EXOC2: variants seen among roughly 807,000 people sequenced by gnomAD.
EXOC2 encodes the protein exocyst complex component 2, also known as SEC5-like 1.
EXOC2 carries 70 observed loss-of-function variants against 131.8 expected under a neutral mutation model. That is an observed-to-expected ratio of 0.53 (90% confidence interval 0.44 to 0.65). The LOEUF (loss-of-function observed/expected upper bound fraction) is 0.65. Ranked by LOEUF, EXOC2 falls within the 30% of genes least tolerant of loss-of-function variation. The pLI is 0.00. For missense variants in EXOC2, 923 were observed against 1,108.6 expected, an observed-to-expected ratio of 0.83 and a Z score of 2.38; for synonymous variants, 411 against 398.4, an observed-to-expected ratio of 1.03 and a Z score of -0.38.
chr6:605,628 G>A (rs1419140169), intron 7 of EXOC2, among the ~76,000 whole-genome samples: 1 of 152,034 alleles, frequency 6.6e-6, no homozygotes, highest in African/African-American at 2.4e-5. Flanking sequence ...GGTTTATCAA[G>A]TTTGCTGATC....
At chr6:600,233 A>T (rs1760056484) in intron 7 of EXOC2, among the ~76,000 whole-genome samples, 1 of 152,204 alleles carries the variant, frequency 6.6e-6, no homozygotes, top group African/African-American at 2.4e-5. Flanking sequence ...TTGAAATTTT[A>T]AAGGCCTCAT....
chr6:667,547 A>C (rs1763672696), intron 1 of EXOC2, among the ~76,000 whole-genome samples: 1 of 97,292 alleles, frequency 1.0e-5, no homozygotes, highest in African/African-American at 3.1e-5. Context: ...TTGATCAAAG[A>C]AAAAGGCAGA....
intron 1 of EXOC2, among the ~76,000 whole-genome samples, chr6:685,401 G>A (rs1764599498): frequency 6.6e-6 from 1 of 152,190 alleles, no homozygotes; most frequent in African/African-American, 2.4e-5. Context: ...TCTAGAGTCA[G>A]GCCCAACCTA....
At chr6:499,877 A>T (rs1456230978) in intron 23 of EXOC2, among the ~76,000 whole-genome samples, 177 bp from the exon 24 acceptor site, 3 of 152,194 alleles carry the variant, frequency 2.0e-5, no homozygotes, top group Admixed American at 1.3e-4. Flanking sequence ...CAGGTCAAAA[A>T]GAAAAAAAAA....
chr6:586,300 G>A (rs1759203493), intron 11 of EXOC2, among the ~76,000 whole-genome samples: 1 of 152,152 alleles, frequency 6.6e-6, no homozygotes, highest in Admixed American at 6.5e-5. Flanking sequence ...CAATGTATGT[G>A]CCATGAGTTC....
At chr6:688,257 A>G (rs1764757561) in intron 1 of EXOC2, among the ~76,000 whole-genome samples, 1 of 152,218 alleles carries the variant, frequency 6.6e-6, no homozygotes, top group East Asian at 1.9e-4. Context: ...GGTACTGATG[A>G]GGAAAATTCT....
chr6:610,247 AT>A, intron 6 of EXOC2, 69 bp from the exon 7 acceptor site: 1 of 1,290,168 alleles, frequency 7.8e-7, no homozygotes, highest in Non-Finnish European at 1.1e-6. Context: ...TCAAAATGAT[AT>A]TTTTAAACAG....
chr6:639,868 C>T (rs1762278027), intron 1 of EXOC2, among the ~76,000 whole-genome samples: 1 of 152,150 alleles, frequency 6.6e-6, no homozygotes, highest in Non-Finnish European at 1.5e-5. Context: ...TGCATGGACT[C>T]GCAGGAGCAT....
intron 11 of EXOC2, among the ~76,000 whole-genome samples, chr6:583,162 A>C (rs761316646): frequency 6.6e-6 from 1 of 152,202 alleles, no homozygotes; most frequent in African/African-American, 2.4e-5. Context: ...AGAACATATA[A>C]AGGAATTACA....
chr6:526,156 C>T (rs542479984), intron 23 of EXOC2, among the ~76,000 whole-genome samples: 73 of 152,196 alleles, frequency 4.8e-4, no homozygotes, highest in African/African-American at 1.6e-3. Context: ...CGCACACACA[C>T]GTATGTGTAT....
At chr6:681,300 G>A (rs1341660927) in intron 1 of EXOC2, among the ~76,000 whole-genome samples, 2 of 152,038 alleles carry the variant, frequency 1.3e-5, no homozygotes, top group Non-Finnish European at 2.9e-5. Context: ...CTTTTCTATC[G>A]GTCACCTCTG....
intron 13 of EXOC2, among the ~76,000 whole-genome samples, chr6:569,976 A>G (rs1758177911): frequency 6.6e-6 from 1 of 152,176 alleles, no homozygotes; most frequent in Non-Finnish European, 1.5e-5. Flanking sequence ...TAGATCAAAA[A>G]TTCTTAGGAA....
chr6:642,926 T>TA (rs59578274), intron 1 of EXOC2, among the ~76,000 whole-genome samples: 2,476 of 145,516 alleles, frequency 0.017, 70 homozygotes, highest in African/African-American at 0.058. Flanking sequence ...ATTTTTCAAG[T>TA]AAAAAAAAAA....
chr6:656,944 T>C (rs1763151453), intron 1 of EXOC2: 3 of 1,517,292 alleles, frequency 2.0e-6, no homozygotes, highest in Admixed American at 2.0e-5. Flanking sequence ...CGAAACTTCA[T>C]GATGCCACAG....
intron 11 of EXOC2, among the ~76,000 whole-genome samples, chr6:587,488 C>A (rs1242362351): frequency 1.3e-5 from 2 of 152,340 alleles, no homozygotes. Context: ...TCATGGTCCG[C>A]CAGCCTCAGC....
intron 12 of EXOC2, among the ~76,000 whole-genome samples, chr6:573,753 G>A (rs1174617013): frequency 6.6e-6 from 1 of 151,294 alleles, no homozygotes; most frequent in African/African-American, 2.4e-5. Context: ...ATTTGATCAG[G>A]TAATACATGG....
At chr6:513,788 C>A (rs768534507) in intron 23 of EXOC2, among the ~76,000 whole-genome samples, 2 of 152,088 alleles carry the variant, frequency 1.3e-5, no homozygotes, top group Non-Finnish European at 2.9e-5. Context: ...TAAATTGATA[C>A]AAAAAGAATC....
At chr6:663,997 C>T (rs868783863) in intron 1 of EXOC2, among the ~76,000 whole-genome samples, 7 of 152,174 alleles carry the variant, frequency 4.6e-5, no homozygotes, top group African/African-American at 1.7e-4. Context: ...CAATCTGTCA[C>T]TGTTTGCTGA....
intron 11 of EXOC2, among the ~76,000 whole-genome samples, chr6:582,296 A>C (rs1758951126): frequency 6.6e-6 from 1 of 152,026 alleles, no homozygotes; most frequent in Admixed American, 6.5e-5. Flanking sequence ...ACCCTTCTTA[A>C]GGGAAGCCTG....
Sources: allele counts gnomAD v4.1 joint callset (sites outside exome capture counted in the v4.1 genomes callset), GRCh38; gene constraint gnomAD v4.1.1; transcripts MANE v1.5; gene names NCBI Gene and HGNC (gene_info 2026-07-23, HGNC 2026-07-21).